The following ARHGAP29 variants were observed in gnomAD, a reference collection of about 807,000 sequenced individuals.
ARHGAP29 encodes the protein rho GTPase-activating protein 29.
Under a neutral mutation model 122.6 loss-of-function variants are expected in ARHGAP29, and 43 were observed. The ratio of observed to expected loss-of-function variants is 0.35; its 90% confidence interval spans 0.27 to 0.45. The LOEUF (loss-of-function observed/expected upper bound fraction) is 0.45. Among genes scored for constraint, ARHGAP29 ranks in the 20% least tolerant of loss-of-function variants. The pLI, the probability that ARHGAP29 is intolerant of heterozygous loss-of-function variation, is 1.00. For synonymous variants in ARHGAP29, 506 were observed against 497.1 expected, an observed-to-expected ratio of 1.02 and a Z score of -0.24; for missense variants, 1,303 against 1,477.2, an observed-to-expected ratio of 0.88 and a Z score of 1.93.
intron 1 of ARHGAP29, among the ~76,000 whole-genome samples, chr1:94,234,927 G>A (rs1346507521): frequency 2.6e-5 from 4 of 152,094 alleles, no homozygotes; most frequent in Non-Finnish European, 5.9e-5. Flanking sequence ...ACCTATTTTA[G>A]CAGAAATAAT....
At chr1:94,232,284 C>G (rs145524085) in intron 1 of ARHGAP29, among the ~76,000 whole-genome samples, 3 of 151,896 alleles carry the variant, frequency 2.0e-5, no homozygotes, top group Non-Finnish European at 4.4e-5. Context: ...TTACATGACG[C>G]GATGATACAG....
chr1:94,265,194 G>T (rs1336709719), intron 1 of ARHGAP29, among the ~76,000 whole-genome samples: 2 of 152,190 alleles, frequency 1.3e-5, no homozygotes, highest in East Asian at 1.9e-4. Flanking sequence ...TCTGGCTTCA[G>T]CATCCTGACT....
Position 94,205,650 on chromosome 1 carries a change from A to G in ARHGAP29, c.544T>C (p.Ser182Pro). The change falls in exon 6 of 23, where the codon TCA becomes CCA. Residue 182 changes from serine (S) to proline (P), a missense_variant. Ser to Pro is a moderately conservative substitution (Grantham distance 74). Transcript: ENST00000260526. ...FENVSVESVDSSSEKGNFSPL... is the reference protein window; with the variant it reads ...FENVSVESVDPSSEKGNFSPL... ...TGAGCATTACCTTTTTCACTGGATGAGTCCACTGATTCCACAGAAACATTT... is the reference window on the plus strand; with the variant it reads ...TGAGCATTACCTTTTTCACTGGATGGGTCCACTGATTCCACAGAAACATTT... 6.2e-7 allele frequency: 1 copy of G among 1,612,554 alleles called. No individual in the cohort carries two copies. The highest frequency in any genetic ancestry group is 8.5e-7 in the Non-Finnish European group (1 of 1,179,300).
At chr1:94,218,031 C>G (rs1389610755) in intron 3 of ARHGAP29, among the ~76,000 whole-genome samples, 1 of 152,042 alleles carries the variant, frequency 6.6e-6, no homozygotes, top group Non-Finnish European at 1.5e-5. Context: ...TTCTACTTAC[C>G]CTCTGCCTTT....
intron 2 of ARHGAP29, among the ~76,000 whole-genome samples, chr1:94,221,880 T>A (rs1652314626): frequency 6.6e-6 from 1 of 150,846 alleles, no homozygotes; most frequent in Non-Finnish European, 1.5e-5. Flanking sequence ...AGTAATCAGG[T>A]CTCCTTAGAG....
chr1:94,249,928 C>T (rs939362249), intron 1 of ARHGAP29, among the ~76,000 whole-genome samples: 5 of 151,966 alleles, frequency 3.3e-5, no homozygotes, highest in African/African-American at 1.2e-4. Flanking sequence ...CAGAATGGGC[C>T]CCCACTAAGA....
intron 20 of ARHGAP29, among the ~76,000 whole-genome samples, chr1:94,178,834 G>A (rs888027474): frequency 1.3e-5 from 2 of 152,144 alleles, no homozygotes; most frequent in Admixed American, 6.5e-5. Context: ...TTCTGCTACT[G>A]CTTGCTGTAT....
rs748490963 is a variant in ARHGAP29, at chr1:94,189,930, C to G, written c.1435G>C (p.Asp479His). The G allele has an allele frequency of 6.2e-7, 1 of 1,612,898 alleles. No individual in the cohort carries two copies. Among genetic ancestry groups the G allele is most frequent in the East Asian group, 2.2e-5 (1 of 44,860 alleles). ...TGTCTGTACATTAATTCTCACCCAT[C>G]AACTTTTTCTTCTTCAGTTGAATTT... ...ATNSTEEEKV[D>H]GNVNKHLNSS... The change falls in exon 13 of 23, where the codon GAT (aspartate) becomes CAT (histidine). Residue 479 changes from aspartate to histidine, a missense_variant. Asp to His is a moderately conservative substitution (Grantham distance 81). Coordinates refer to ENST00000260526, the MANE Select transcript of ARHGAP29 (RefSeq NM_004815.4).
chr1:94,193,752 G>C (rs944041820), intron 12 of ARHGAP29: 1 of 152,296 alleles, frequency 6.6e-6, no homozygotes, highest in Admixed American at 6.5e-5. Context: ...ACACAACCAA[G>C]TGAATCCATT....
rs749675960 is a variant in ARHGAP29 at position 94,179,789 on chromosome 1, G to A, written c.2416C>T (p.Leu806Phe). 3 of 1,613,528 alleles carry A rather than the reference G, an allele frequency of 1.9e-6. No individual in the cohort carries two copies. Among genetic ancestry groups the A allele is most frequent in the South Asian group, 1.1e-5 (1 of 91,068 alleles). Residue 806 changes from leucine (L) to phenylalanine (F), a missense_variant, in exon 20 of 23, where the codon CTT becomes TTT. Coordinates refer to ENST00000260526, the MANE Select transcript of ARHGAP29 (RefSeq NM_004815.4). ...INRILLKSKD[L>F]LRQLPASNFN... is the part of the protein sequence containing the mutation. ...TTTGATGCTGGCAATTGTCTTAGAA[G>A]GTCTTTGCTTTTTAGAAGAATTCGG...
At chr1:94,184,845 T>C in intron 18 of ARHGAP29, 27 bp downstream of exon 18, 1 of 1,516,962 alleles carries the variant, frequency 6.6e-7, no homozygotes, top group African/African-American at 1.4e-5. Context: ...ATTTATGCTT[T>C]TTAAAATTTT....
intron 22 of ARHGAP29, chr1:94,177,303 T>C (rs1198284346): frequency 4.4e-6 from 1 of 228,196 alleles, no homozygotes; most frequent in African/African-American, 2.3e-5. Flanking sequence ...ATCACATTGC[T>C]CAACACATTT....
At chr1:94,201,575 G>C in intron 12 of ARHGAP29, 145 bp downstream of exon 12, 1 of 649,024 alleles carries the variant, frequency 1.5e-6, no homozygotes. Context: ...AATCATAATC[G>C]AAGCTCACTA....
At chr1:94,298,494 A>G in the ARHGAP29 span, among the ~76,000 whole-genome samples, 3 of 152,160 alleles carry the variant, frequency 2.0e-5, no homozygotes, top group Admixed American at 2.0e-4. Flanking sequence ...AGACGTGAGG[A>G]TTACCTGTAT....
chr1:94,250,978 ATGCAATTAT>A (rs1200612890), intron 1 of ARHGAP29, among the ~76,000 whole-genome samples: 1 of 152,190 alleles, frequency 6.6e-6, no homozygotes, highest in African/African-American at 2.4e-5. Flanking sequence ...AGCCTTAAAA[ATGCAATTAT>A]TGATACTACT....
chr1:94,222,289 C>A (rs1470773972), intron 2 of ARHGAP29, among the ~76,000 whole-genome samples: 1 of 152,208 alleles, frequency 6.6e-6, no homozygotes, highest in African/African-American at 2.4e-5. Context: ...ATGACCTATG[C>A]AGGCTAACTT....
At position 94,173,829 on chromosome 1, in the gene ARHGAP29, TAACAC is replaced by T; in HGVS notation, c.*35_*39del. Reference sequence around the variant, plus strand: ...ACAAAACAAGCACAATACCACAAAATAACACAACAACAACAAAAAAACCCTGAAAT... The same window carrying T: ...ACAAAACAAGCACAATACCACAAAATAACAACAACAAAAAAACCCTGAAAT... On this transcript the variant is annotated 3_prime_UTR_variant, in exon 23 of 23. Coordinates refer to ENST00000260526, the MANE Select transcript of ARHGAP29 (RefSeq NM_004815.4). 6.4e-7 allele frequency: 1 copy of T among 1,550,988 alleles called. No individual in the cohort carries two copies. Among genetic ancestry groups the T allele is most frequent in the South Asian group, 1.2e-5 (1 of 81,084 alleles).
At position 94,219,812 on chromosome 1, in the gene ARHGAP29, C is replaced by T. The variant is rs898764734; in HGVS notation, c.340+446G>A. On this transcript the variant is annotated intron_variant, in intron 3 of 22. Transcript: ENST00000260526. ...ATACATATATGATAAACTTATTTTA[C>T]AATTTTAATTTCATTTTCACATTTT... 2.6e-5 allele frequency among the ~76,000 whole-genome samples: 4 copies of T among 152,128 alleles called. No homozygotes were observed. In the South Asian group the frequency reaches 6.2e-4, roughly 24 times the overall value.
the ARHGAP29 span, among the ~76,000 whole-genome samples, chr1:94,307,687 G>A: frequency 2.0e-5 from 3 of 151,826 alleles, no homozygotes; most frequent in South Asian, 6.2e-4. Flanking sequence ...AGAAAGGATA[G>A]GATATTTAAC....
Sources: allele counts gnomAD v4.1 joint callset (sites outside exome capture counted in the v4.1 genomes callset), GRCh38; gene constraint gnomAD v4.1.1; transcripts MANE v1.5; gene names NCBI Gene and HGNC (gene_info 2026-07-23, HGNC 2026-07-21).